KCNAB1: variants seen among roughly 807,000 people sequenced by gnomAD.
KCNAB1 encodes the protein potassium voltage-gated channel subfamily A regulatory beta subunit 1.
Under a neutral mutation model 64.6 loss-of-function variants are expected in KCNAB1, and 35 were observed. The ratio of observed to expected loss-of-function variants is 0.54; its 90% CI spans 0.41 to 0.72. The LOEUF is 0.72. Among genes scored for constraint, KCNAB1 ranks in the 30% least tolerant of loss-of-function variants. KCNAB1 has a pLI of 0.00. For missense variants in KCNAB1, 401 were observed against 512.9 expected, an observed-to-expected ratio of 0.78 and a Z score of 2.11; for synonymous variants, 177 against 183.8, an observed-to-expected ratio of 0.96 and a Z score of 0.30.
chr3:156,459,932 A>G lies in KCNAB1; in HGVS notation c.482+61A>G, dbSNP rs1173738158. 7.2e-6 allele frequency: 9 copies of G among 1,251,070 alleles called. No homozygotes were observed. In the African/African-American group the frequency reaches 1.4e-4, roughly 19 times the overall value. The allele number at this position is 1,251,070 out of a possible 1,614,324, so 77.5% of individuals were successfully genotyped here. ...GGTATTATTTTGCACCAGAGAAGGAAAAATAAAATTATATGACACCTGACC... is the reference window on the plus strand; with the variant it reads ...GGTATTATTTTGCACCAGAGAAGGAGAAATAAAATTATATGACACCTGACC... On this transcript the variant is annotated intron_variant, in intron 5 of 13. Transcript: ENST00000490337.
At chr3:156,158,169 A>AAAAAAAAAT (rs1553810275) in intron 1 of KCNAB1, among the ~76,000 whole-genome samples, 11 of 80,778 alleles carry the variant, frequency 1.4e-4, no homozygotes, top group African/African-American at 5.3e-4. Flanking sequence ...TGTCTCAAAA[A>AAAAAAAAAT]AAAAAATAAA....
At chr3:156,132,924 A>G (rs1714087318) in intron 1 of KCNAB1, among the ~76,000 whole-genome samples, 2 of 152,230 alleles carry the variant, frequency 1.3e-5, no homozygotes, top group South Asian at 4.1e-4. Flanking sequence ...CAGTCAAGGT[A>G]TATATACATT....
At chr3:156,425,580 C>T (rs563033256) in intron 2 of KCNAB1, among the ~76,000 whole-genome samples, 2 of 152,298 alleles carry the variant, frequency 1.3e-5, no homozygotes, top group South Asian at 2.1e-4. Flanking sequence ...AGTGACCAAA[C>T]TCACCCCGAT....
At chr3:156,465,509 C>T in intron 6 of KCNAB1, 134 bp from the exon 7 acceptor site, 1 of 699,804 alleles carries the variant, frequency 1.4e-6, no homozygotes, top group Non-Finnish European at 2.4e-6. Context: ...CACCAGACTT[C>T]TCTCCTTAGC....
chr3:156,254,817 C>T (rs1372696260), intron 1 of KCNAB1, among the ~76,000 whole-genome samples: 4 of 152,208 alleles, frequency 2.6e-5, no homozygotes, highest in African/African-American at 9.6e-5. Context: ...TTTCCATCCT[C>T]CAGTCTTCTG....
At chr3:156,327,635 A>G (rs1377308943) in intron 1 of KCNAB1, among the ~76,000 whole-genome samples, 1 of 152,156 alleles carries the variant, frequency 6.6e-6, no homozygotes, top group Non-Finnish European at 1.5e-5. Flanking sequence ...TAGCATGGGA[A>G]TTGGAAATAT....
intron 1 of KCNAB1, among the ~76,000 whole-genome samples, chr3:156,310,408 G>C (rs1196296858): frequency 6.6e-6 from 1 of 152,122 alleles, no homozygotes; most frequent in African/African-American, 2.4e-5. Flanking sequence ...ATCCCAATTG[G>C]TCCTGCAGGC....
chr3:156,264,779 T>C (rs941415835), intron 1 of KCNAB1, among the ~76,000 whole-genome samples: 25 of 152,196 alleles, frequency 1.6e-4, no homozygotes, highest in Non-Finnish European at 7.4e-5. Context: ...GTATGTCTTT[T>C]AATAGTAAAC....
chr3:156,136,550 T>C (rs1714357158), intron 1 of KCNAB1, among the ~76,000 whole-genome samples: 1 of 152,228 alleles, frequency 6.6e-6, no homozygotes, highest in Non-Finnish European at 1.5e-5. Flanking sequence ...ACCACAATAC[T>C]ATCATGATCT....
intron 1 of KCNAB1, among the ~76,000 whole-genome samples, chr3:156,297,259 C>CTTTTTTT (rs71141704): frequency 1.0e-5 from 1 of 96,470 alleles, no homozygotes; most frequent in Non-Finnish European, 2.3e-5. Flanking sequence ...TTGAGGTTGG[C>CTTTTTTT]TTTTTTTTTT....
chr3:156,343,047 G>A (rs1356861441), intron 1 of KCNAB1, among the ~76,000 whole-genome samples: 1 of 152,268 alleles, frequency 6.6e-6, no homozygotes, highest in African/African-American at 2.4e-5. Flanking sequence ...ATAAAAAATT[G>A]TATTAGCCTC....
chr3:156,461,569 T>C (rs1378386500), intron 5 of KCNAB1, among the ~76,000 whole-genome samples: 3 of 152,208 alleles, frequency 2.0e-5, no homozygotes, highest in African/African-American at 7.2e-5. Context: ...GGGTACACAC[T>C]TCTTCAATTA....
chr3:156,466,522 T>C (rs1183092033), intron 7 of KCNAB1, among the ~76,000 whole-genome samples: 1 of 151,908 alleles, frequency 6.6e-6, no homozygotes, highest in East Asian at 1.9e-4. Flanking sequence ...TTTTCATATA[T>C]ATATTTTATT....
intron 1 of KCNAB1, among the ~76,000 whole-genome samples, chr3:156,208,015 G>T (rs1172817452): frequency 6.6e-6 from 1 of 152,202 alleles, no homozygotes; most frequent in African/African-American, 2.4e-5. Flanking sequence ...ACCAAGAGTG[G>T]TGATTCAAAG....
intron 2 of KCNAB1, among the ~76,000 whole-genome samples, chr3:156,425,177 G>C (rs1397613111): frequency 2.6e-5 from 4 of 152,182 alleles, no homozygotes; most frequent in African/African-American, 9.7e-5. Context: ...TTCAACTGAG[G>C]CCTTAGAAAT....
At chr3:156,484,683 T>G (rs1395684502) in intron 8 of KCNAB1, among the ~76,000 whole-genome samples, 1 of 152,088 alleles carries the variant, frequency 6.6e-6, no homozygotes, top group African/African-American at 2.4e-5. Context: ...TTTACTGGCA[T>G]GCTGATTGAA....
intron 8 of KCNAB1, among the ~76,000 whole-genome samples, chr3:156,513,698 G>A (rs540644912): frequency 1.3e-5 from 2 of 152,312 alleles, no homozygotes; most frequent in South Asian, 2.1e-4. Context: ...TGATGAGCAC[G>A]CTGGGTGGGA....
At chr3:156,162,605 A>G (rs560893428) in intron 1 of KCNAB1, among the ~76,000 whole-genome samples, 1 of 152,334 alleles carries the variant, frequency 6.6e-6, no homozygotes, top group East Asian at 1.9e-4. Context: ...AACATCTCTC[A>G]TAGACCTGTG....
chr3:156,250,320 A>G (rs904485993), intron 1 of KCNAB1, among the ~76,000 whole-genome samples: 5 of 152,302 alleles, frequency 3.3e-5, no homozygotes, highest in Non-Finnish European at 5.9e-5. Flanking sequence ...TCATGATCCT[A>G]GTCAATTCTT....
Sources: allele counts gnomAD v4.1 joint callset (sites outside exome capture counted in the v4.1 genomes callset), GRCh38; gene constraint gnomAD v4.1.1; transcripts MANE v1.5; gene names NCBI Gene and HGNC (gene_info 2026-07-23, HGNC 2026-07-21).